FOCAD: variants seen among roughly 807,000 people sequenced by gnomAD.
FOCAD encodes the protein focadhesin.
Under a neutral mutation model 225.6 loss-of-function variants are expected in FOCAD, and 198 were observed. The ratio of observed to expected loss-of-function variants is 0.88; its 90% CI spans 0.78 to 0.99. The LOEUF is 0.99. Ranked by LOEUF, FOCAD falls within the 50% of genes least tolerant of loss-of-function variation. FOCAD has a pLI of 0.00. For missense variants in FOCAD, 2,713 were observed against 2,123.6 expected (o/e 1.28, Z -5.46); for synonymous variants, 897 against 755.0 (o/e 1.19, Z -3.08).
At chr9:20,903,601 T>A (rs961375529) in intron 21 of FOCAD, among the ~76,000 whole-genome samples, 1 of 151,936 alleles carries the variant, frequency 6.6e-6, no homozygotes, top group African/African-American at 2.4e-5. Flanking sequence ...CCCCGTTAAT[T>A]CACTAACTTT....
intron 14 of FOCAD, 145 bp downstream of exon 14, chr9:20,821,216 A>G: frequency 1.5e-6 from 1 of 645,842 alleles, no homozygotes; most frequent in Non-Finnish European, 2.4e-6. Flanking sequence ...CTGATTATAA[A>G]ATGTAATAAT....
At chr9:20,812,707 G>A (rs1418346264) in intron 11 of FOCAD, among the ~76,000 whole-genome samples, 1 of 151,994 alleles carries the variant, frequency 6.6e-6, no homozygotes, top group Non-Finnish European at 1.5e-5. Context: ...GTAGAATGGA[G>A]GAGTGAACTG....
At chr9:20,659,242 A>T (rs1821624713) in intron 2 of FOCAD, among the ~76,000 whole-genome samples, 1 of 136,622 alleles carries the variant, frequency 7.3e-6, no homozygotes, top group Non-Finnish European at 1.6e-5. Flanking sequence ...CCACACAAAA[A>T]AATTTAAAAA....
chr9:20,747,029 G>A (rs1430406281), intron 5 of FOCAD, among the ~76,000 whole-genome samples: 1 of 152,116 alleles, frequency 6.6e-6, no homozygotes, highest in African/African-American at 2.4e-5. Context: ...GTAGTGTGTG[G>A]TTTCTGTACT....
chr9:20,971,678 A>G (rs1188897076), intron 35 of FOCAD, among the ~76,000 whole-genome samples: 1 of 152,152 alleles, frequency 6.6e-6, no homozygotes, highest in Non-Finnish European at 1.5e-5. Flanking sequence ...GTATATTCAT[A>G]TTGTTATGAA....
chr9:20,868,640 G>A (rs1417180415), intron 18 of FOCAD, among the ~76,000 whole-genome samples: 2 of 151,776 alleles, frequency 1.3e-5, no homozygotes, highest in Non-Finnish European at 2.9e-5. Context: ...TGGGTTTTCA[G>A]CATCAGAGTG....
chr9:20,989,514 C>A (rs1381469353), intron 41 of FOCAD, among the ~76,000 whole-genome samples: 1 of 152,072 alleles, frequency 6.6e-6, no homozygotes, highest in Non-Finnish European at 1.5e-5. Context: ...AGATCCTGGA[C>A]AGGTGTTTAA....
intron 39 of FOCAD, among the ~76,000 whole-genome samples, chr9:20,985,799 G>GA (rs200742266): frequency 1.3e-5 from 2 of 150,232 alleles, no homozygotes; most frequent in African/African-American, 2.4e-5. Context: ...ATTGGCTTGT[G>GA]AAAAAAAAAT....
intron 22 of FOCAD, 35 bp from the exon 23 acceptor site, chr9:20,912,831 A>G: frequency 6.5e-7 from 1 of 1,547,920 alleles, no homozygotes; most frequent in South Asian, 1.1e-5. Context: ...TCAGCCATCG[A>G]GTTCACATGC....
At chr9:20,783,995 G>C (rs963621864) in intron 10 of FOCAD, among the ~76,000 whole-genome samples, 22 of 152,306 alleles carry the variant, frequency 1.4e-4, no homozygotes, top group African/African-American at 5.1e-4. Context: ...GTAGGGAGCA[G>C]CTACTACCTC....
intron 7 of FOCAD, among the ~76,000 whole-genome samples, chr9:20,768,440 T>C (rs985000379): frequency 2.6e-5 from 4 of 152,046 alleles, no homozygotes; most frequent in African/African-American, 9.7e-5. Flanking sequence ...TTCACGATAT[T>C]GATTCTTCCT....
chr9:20,768,028 A>T (rs1049018209), intron 7 of FOCAD, among the ~76,000 whole-genome samples: 37 of 151,546 alleles, frequency 2.4e-4, no homozygotes, highest in East Asian at 5.8e-4. Context: ...GGATCCAGTT[A>T]CAGCTTTCTC....
intron 11 of FOCAD, among the ~76,000 whole-genome samples, chr9:20,802,867 G>A (rs908204031): frequency 4.6e-5 from 7 of 152,076 alleles, no homozygotes; most frequent in Non-Finnish European, 7.4e-5. Flanking sequence ...TCAAATGGTC[G>A]AATTATCTGT....
At chr9:20,832,024 A>G (rs986223300) in intron 15 of FOCAD, among the ~76,000 whole-genome samples, 3 of 152,074 alleles carry the variant, frequency 2.0e-5, no homozygotes, top group Non-Finnish European at 2.9e-5. Context: ...ACATGTATCA[A>G]TACTTTTTAT....
chr9:20,677,317 A>G (rs542321605), intron 2 of FOCAD, among the ~76,000 whole-genome samples: 5 of 152,346 alleles, frequency 3.3e-5, no homozygotes, highest in African/African-American at 9.6e-5. Context: ...CTGAGCAATG[A>G]TTTTTTGAAT....
intron 1 of FOCAD, among the ~76,000 whole-genome samples, chr9:20,685,402 C>G (rs1338982739): frequency 7.9e-5 from 12 of 152,064 alleles, no homozygotes; most frequent in Non-Finnish European, 1.2e-4. Flanking sequence ...CAGGAAGTAA[C>G]TATTTTAAAA....
intron 11 of FOCAD, among the ~76,000 whole-genome samples, chr9:20,804,532 C>T (rs1822200878): frequency 1.3e-5 from 2 of 151,696 alleles, no homozygotes; most frequent in African/African-American, 4.8e-5. Flanking sequence ...CAAACCCTGG[C>T]TGAAGCTATA....
chr9:20,769,698 CA>C (rs1320103083), intron 7 of FOCAD, among the ~76,000 whole-genome samples: 1 of 152,146 alleles, frequency 6.6e-6, no homozygotes, highest in East Asian at 1.9e-4. Flanking sequence ...TTGGAGAATT[CA>C]AAACTAAACT....
rs149130519 is a variant in FOCAD at position 20,764,917 on chromosome 9, G to C, written c.543G>C (p.Leu181=). 1,146 of 1,614,110 alleles carry C rather than the reference G, an allele frequency of 7.1e-4. 6 individuals are homozygous for C. The African/African-American group carries it at 0.013, about 19-fold the overall frequency. The change falls in exon 7 of 44, where the codon CTG becomes CTC. Residue 181 remains leucine, a synonymous_variant. Transcript: ENST00000338382. ...IQIMAPFLWY[L]YCEPSQLQEY... ...TAATGGCACCATTTCTGTGGTATCT[G>C]TATTGTGAACCATCTCAGTTACAAG... is the stretch of plus-strand genomic sequence containing the variant.
Sources: gnomAD v4.1 joint callset for allele counts (sites outside exome capture counted in the v4.1 genomes callset) on GRCh38, gnomAD v4.1.1 for gene constraint, MANE v1.5 for transcripts, NCBI Gene and HGNC (gene_info 2026-07-23, HGNC 2026-07-21) for gene names.